Variants in PPARGC1A observed in about 807,000 individuals in gnomAD.
PPARGC1A encodes peroxisome proliferator-activated receptor gamma coactivator 1-alpha.
A neutral mutation model predicts 88.7 loss-of-function variants in PPARGC1A; 25 were observed. That is an observed-to-expected ratio of 0.28 (90% CI 0.21 to 0.39). The LOEUF (loss-of-function observed/expected upper bound fraction) is 0.39, where lower values mean the gene tolerates loss of function less well. Ranked by LOEUF, PPARGC1A falls within the 10% of genes least tolerant of loss-of-function variation. The probability of loss-of-function intolerance (pLI) is 1.00; values close to 1 mark genes in which losing one functional copy is unlikely to be tolerated. For synonymous variants in PPARGC1A, 363 were observed against 355.6 expected (o/e 1.02, Z -0.24); for missense variants, 880 against 968.7 (o/e 0.91, Z 1.22).
At chr4:23,989,435 T>C in the PPARGC1A span, among the ~76,000 whole-genome samples, 5 of 152,130 alleles carry the variant, frequency 3.3e-5, no homozygotes, top group South Asian at 4.1e-4. Context: ...AGTATTATCA[T>C]ATCTTATCCC....
At chr4:24,285,977 T>C in the PPARGC1A span, among the ~76,000 whole-genome samples, 1 of 152,186 alleles carries the variant, frequency 6.6e-6, no homozygotes, top group African/African-American at 2.4e-5. Flanking sequence ...CCTCTTCAAC[T>C]ACTCTGCCCA....
At chr4:23,994,217 T>C in the PPARGC1A span, among the ~76,000 whole-genome samples, 143,145 of 152,160 alleles carry the variant, frequency 0.94, 67,394 homozygotes, top group Admixed American at 0.96. Flanking sequence ...TCTATGTAAT[T>C]CCTGTGTTGT....
At chr4:24,026,084 A>G in the PPARGC1A span, among the ~76,000 whole-genome samples, 20 of 152,342 alleles carry the variant, frequency 1.3e-4, no homozygotes, top group African/African-American at 4.8e-4. Context: ...TATTTTACCT[A>G]AAATGAAGAA....
chr4:24,459,523 GT>G, the PPARGC1A span, among the ~76,000 whole-genome samples: 1 of 152,120 alleles, frequency 6.6e-6, no homozygotes, highest in African/African-American at 2.4e-5. Context: ...AGGTGCAGTG[GT>G]TCACTCCTGT....
the PPARGC1A span, among the ~76,000 whole-genome samples, chr4:23,958,627 A>G: frequency 1.3e-5 from 2 of 152,130 alleles, no homozygotes; most frequent in African/African-American, 4.8e-5. Context: ...ACATCAATAC[A>G]TACCTATGTT....
the PPARGC1A span, among the ~76,000 whole-genome samples, chr4:24,153,948 G>A: frequency 1.8e-4 from 28 of 152,104 alleles, no homozygotes; most frequent in African/African-American, 6.0e-4. Context: ...GAGAAAGGGA[G>A]GGAAAGGAGA....
chr4:24,322,222 G>C, the PPARGC1A span, among the ~76,000 whole-genome samples: 3 of 152,168 alleles, frequency 2.0e-5, no homozygotes, highest in African/African-American at 4.8e-5. Context: ...TTTTAAATTA[G>C]TGACTTTTGA....
At chr4:24,043,590 C>T in the PPARGC1A span, among the ~76,000 whole-genome samples, 1 of 152,104 alleles carries the variant, frequency 6.6e-6, no homozygotes, top group South Asian at 2.1e-4. Flanking sequence ...CCTCATCGAT[C>T]GCATGTTATG....
chr4:24,138,860 C>G, the PPARGC1A span, among the ~76,000 whole-genome samples: 5 of 152,254 alleles, frequency 3.3e-5, no homozygotes, highest in Admixed American at 2.0e-4. Flanking sequence ...CACACAGAGA[C>G]TGTCTATTAA....
At chr4:24,257,753 T>C in the PPARGC1A span, among the ~76,000 whole-genome samples, 1 of 152,168 alleles carries the variant, frequency 6.6e-6, no homozygotes, top group African/African-American at 2.4e-5. Flanking sequence ...AAAATATCAT[T>C]CACCTCATGG....
chr4:24,147,108 T>C, the PPARGC1A span, among the ~76,000 whole-genome samples: 2 of 152,106 alleles, frequency 1.3e-5, no homozygotes, highest in African/African-American at 4.8e-5. Context: ...GGAGTGACAG[T>C]CTTGGGTTTT....
the PPARGC1A span, among the ~76,000 whole-genome samples, chr4:24,113,682 AAAAT>A: frequency 6.6e-6 from 1 of 152,148 alleles, no homozygotes; most frequent in Non-Finnish European, 1.5e-5. Context: ...TTCTATGGGA[AAAAT>A]AAATAAATAA....
At chr4:24,025,272 G>A in the PPARGC1A span, among the ~76,000 whole-genome samples, 2 of 152,306 alleles carry the variant, frequency 1.3e-5, no homozygotes, top group South Asian at 4.2e-4. Flanking sequence ...GAAATAGAGA[G>A]ATGCCTCTGT....
At chr4:24,222,143 A>T in the PPARGC1A span, among the ~76,000 whole-genome samples, 2 of 152,192 alleles carry the variant, frequency 1.3e-5, no homozygotes, top group African/African-American at 4.8e-5. Context: ...GAGGCTAAAA[A>T]ATGTGCTTTC....
chr4:24,017,168 C>T, the PPARGC1A span, among the ~76,000 whole-genome samples: 3 of 152,250 alleles, frequency 2.0e-5, no homozygotes, highest in East Asian at 5.8e-4. Context: ...ATCTTCTGAT[C>T]TTTTAAAAGA....
chr4:24,159,263 T>G, the PPARGC1A span, among the ~76,000 whole-genome samples: 1 of 139,318 alleles, frequency 7.2e-6, no homozygotes, highest in Non-Finnish European at 1.5e-5. Flanking sequence ...CAGGCTGGAG[T>G]GCAATGGTGC....
the PPARGC1A span, among the ~76,000 whole-genome samples, chr4:23,986,485 G>T: frequency 6.6e-6 from 1 of 152,074 alleles, no homozygotes; most frequent in Non-Finnish European, 1.5e-5. Flanking sequence ...TACGCAGTCA[G>T]CACTCTGAGA....
chr4:24,408,159 G>C, the PPARGC1A span, among the ~76,000 whole-genome samples: 1 of 151,940 alleles, frequency 6.6e-6, no homozygotes, highest in Non-Finnish European at 1.5e-5. Context: ...GAAGATAAAA[G>C]GGACCGAGGA....
chr4:24,254,764 G>A, the PPARGC1A span, among the ~76,000 whole-genome samples: 1,113 of 152,266 alleles, frequency 7.3e-3, 75 homozygotes, highest in East Asian at 0.16. Context: ...TCCAATTATT[G>A]AAATTCCATA....
Sources: gnomAD v4.1 joint callset for allele counts (sites outside exome capture counted in the v4.1 genomes callset) on GRCh38, gnomAD v4.1.1 for gene constraint, MANE v1.5 for transcripts, NCBI Gene and HGNC (gene_info 2026-07-23, HGNC 2026-07-21) for gene names.